Variants in USP32 observed in about 807,000 individuals in gnomAD.
The protein encoded by USP32 is ubiquitin carboxyl-terminal hydrolase 32.
A neutral mutation model predicts 204.8 loss-of-function variants in USP32; 59 were observed. That is an observed-to-expected ratio of 0.29 (90% CI 0.23 to 0.36). USP32 has a LOEUF of 0.36. USP32 is among the 10% of genes least tolerant of loss of function. The pLI is 1.00. For synonymous variants in USP32, 517 were observed against 678.4 expected (o/e 0.76, Z 3.70); for missense variants, 1,160 against 1,946.4 (o/e 0.60, Z 7.60).
chr17:60,317,391 C>T (rs2088006876), intron 2 of USP32, among the ~76,000 whole-genome samples: 1 of 151,056 alleles, frequency 6.6e-6, no homozygotes, highest in Admixed American at 6.6e-5. Flanking sequence ...TGATGCATGC[C>T]TGTAGTACCA....
intron 29 of USP32, among the ~76,000 whole-genome samples, chr17:60,186,771 C>T (rs898056296): frequency 3.9e-5 from 6 of 151,996 alleles, no homozygotes; most frequent in South Asian, 4.2e-4. Flanking sequence ...ATGAAGAAGA[C>T]GGAGAGAAGG....
At chr17:60,246,401 A>G (rs1376694065) in intron 11 of USP32, among the ~76,000 whole-genome samples, 74 of 146,128 alleles carry the variant, frequency 5.1e-4, no homozygotes, top group African/African-American at 1.1e-3. Flanking sequence ...GTGTGTGTGT[A>G]TATATATATA....
chr17:60,374,193 A>G (rs562022063), intron 1 of USP32, among the ~76,000 whole-genome samples: 1 of 152,144 alleles, frequency 6.6e-6, no homozygotes, highest in African/African-American at 2.4e-5. Context: ...CCAAAAAAAA[A>G]AGAAAAAAGA....
intron 11 of USP32, among the ~76,000 whole-genome samples, chr17:60,240,513 A>T (rs2085849366): frequency 6.6e-6 from 1 of 151,880 alleles, no homozygotes; most frequent in Non-Finnish European, 1.5e-5. Context: ...AGAGAGAGAG[A>T]CAAAAGACAG....
chr17:60,239,286 TAC>T lies in USP32; in HGVS notation c.1137-3048_1137-3047del, dbSNP rs377559373. 1.3e-3 allele frequency among the ~76,000 whole-genome samples: 201 copies of T among 152,358 alleles called. 1 individual carries two copies. Among genetic ancestry groups the T allele is most frequent in the African/African-American group, 4.5e-3 (188 of 41,586 alleles). ...TCTCTTTGTTCTTGGCTTTGTAAAA[TAC>T]AGTTTCATTATAATGCTTCTCAGTG... On this transcript the variant is annotated intron_variant, in intron 11 of 33. Transcript: ENST00000300896.
intron 3 of USP32, among the ~76,000 whole-genome samples, chr17:60,299,338 C>T (rs537898049): frequency 2.6e-5 from 4 of 152,230 alleles, no homozygotes; most frequent in East Asian, 1.9e-4. Context: ...TCTTACAATT[C>T]GGGAGGCTAA....
chr17:60,224,878 A>G (rs2085343942), intron 13 of USP32, among the ~76,000 whole-genome samples: 2 of 152,226 alleles, frequency 1.3e-5, no homozygotes, highest in African/African-American at 2.4e-5. Flanking sequence ...GGGCCATAGA[A>G]ATACCACAGC....
chr17:60,284,660 CTAA>C (rs1349092850), intron 5 of USP32, among the ~76,000 whole-genome samples: 4 of 151,668 alleles, frequency 2.6e-5, no homozygotes, highest in Non-Finnish European at 5.9e-5. Context: ...TTTGTTTTCT[CTAA>C]TAATACAGTG....
intron 1 of USP32, among the ~76,000 whole-genome samples, chr17:60,376,555 A>T (rs899772458): frequency 2.7e-5 from 4 of 150,244 alleles, no homozygotes; most frequent in Non-Finnish European, 4.4e-5. Flanking sequence ...ACAGAGTCTC[A>T]CTCTGTCGCT....
chr17:60,400,321 AGAG>A (rs1280518908), intron 1 of USP32, among the ~76,000 whole-genome samples: 1 of 152,180 alleles, frequency 6.6e-6, no homozygotes, highest in East Asian at 1.9e-4. Context: ...GACTGGAGTG[AGAG>A]GAGAAGGGAC....
At chr17:60,212,907 C>A (rs1347411992) in intron 18 of USP32, among the ~76,000 whole-genome samples, 1 of 152,082 alleles carries the variant, frequency 6.6e-6, no homozygotes, top group Non-Finnish European at 1.5e-5. Flanking sequence ...GCACGTGCCA[C>A]CACACCCAGC....
At chr17:60,309,045 T>C (rs888625770) in intron 2 of USP32, among the ~76,000 whole-genome samples, 4 of 151,928 alleles carry the variant, frequency 2.6e-5, no homozygotes, top group South Asian at 2.1e-4. Flanking sequence ...GAAAAAAACA[T>C]TGGGGGAAAT....
chr17:60,318,070 G>A (rs1336945224), intron 2 of USP32, among the ~76,000 whole-genome samples: 1 of 152,138 alleles, frequency 6.6e-6, no homozygotes, highest in Admixed American at 6.5e-5. Flanking sequence ...TAAAATCAGT[G>A]GTACAAATTG....
At chr17:60,416,452 C>A (rs998936734) in intron 1 of USP32, among the ~76,000 whole-genome samples, 5 of 152,000 alleles carry the variant, frequency 3.3e-5, no homozygotes, top group Admixed American at 3.3e-4. Flanking sequence ...AACCCACAAC[C>A]CCCTCACCTG....
intron 2 of USP32, among the ~76,000 whole-genome samples, chr17:60,319,824 A>G (rs1467424874): frequency 6.6e-6 from 1 of 152,192 alleles, no homozygotes; most frequent in Non-Finnish European, 1.5e-5. Flanking sequence ...ATACACTATA[A>G]CAACTATTCA....
chr17:60,292,166 C>A (rs2145861860), intron 4 of USP32, among the ~76,000 whole-genome samples: 1 of 152,132 alleles, frequency 6.6e-6, no homozygotes, highest in Middle Eastern at 3.4e-3. Context: ...GGACACTATT[C>A]TCTTTTATTA....
chr17:60,321,157 T>G (rs575428460), intron 2 of USP32, among the ~76,000 whole-genome samples: 1 of 152,318 alleles, frequency 6.6e-6, no homozygotes, highest in Non-Finnish European at 1.5e-5. Flanking sequence ...TTTGAACTCC[T>G]GGGTATACCT....
At position 60,260,849 on chromosome 17, in the gene USP32, TC is replaced by T. The variant is rs554560679; in HGVS notation, c.990+4562del. On this transcript the variant is annotated intron_variant, in intron 9 of 33. Coordinates refer to ENST00000300896, the MANE Select transcript of USP32 (RefSeq NM_032582.4). ...TGATAGTAGTCAGAATAGTATATCT[TC>T]CCCTCTAACATCCATTGAGAATAAC... Among the ~76,000 whole-genome samples the T allele has an allele frequency of 6.6e-5, 10 of 152,230 alleles. No individual in the cohort carries two copies. The South Asian group carries it at 2.1e-3, about 32-fold the overall frequency.
chr17:60,222,672 A>C, intron 14 of USP32, 123 bp from the exon 15 acceptor site: 9 of 961,338 alleles, frequency 9.4e-6, no homozygotes, highest in East Asian at 2.7e-5. Flanking sequence ...TGCTGGAAAA[A>C]CTTAATTTTT....
Sources: gnomAD v4.1 joint callset for allele counts (sites outside exome capture counted in the v4.1 genomes callset) on GRCh38, gnomAD v4.1.1 for gene constraint, MANE v1.5 for transcripts, NCBI Gene and HGNC (gene_info 2026-07-23, HGNC 2026-07-21) for gene names.